GRM7: variants seen among roughly 807,000 people sequenced by gnomAD.
GRM7 encodes the protein metabotropic glutamate receptor 7.
Under a neutral mutation model 84.5 loss-of-function variants are expected in GRM7, and 35 were observed. That is an observed-to-expected ratio of 0.41 (90% confidence interval 0.32 to 0.55). GRM7 has a LOEUF of 0.55. Among genes scored for constraint, GRM7 ranks in the 20% least tolerant of loss-of-function variants. GRM7 has a pLI of 0.19. For missense variants in GRM7, 1,003 were observed against 1,194.6 expected, an observed-to-expected ratio of 0.84 and a Z score of 2.36; for synonymous variants, 487 against 455.1, an observed-to-expected ratio of 1.07 and a Z score of -0.89.
intron 8 of GRM7, among the ~76,000 whole-genome samples, chr3:7,666,999 T>C (rs1329543407): frequency 6.6e-6 from 1 of 151,966 alleles, no homozygotes; most frequent in Non-Finnish European, 1.5e-5. Context: ...TGTTTGATTG[T>C]CTCAGCAGAC....
chr3:7,570,200 C>G (rs1044599927), intron 7 of GRM7, among the ~76,000 whole-genome samples: 3 of 152,092 alleles, frequency 2.0e-5, no homozygotes, highest in Non-Finnish European at 2.9e-5. Context: ...CCACCCCTGG[C>G]CCCTCCCAAA....
rs186119348 is a variant in GRM7 at position 7,624,380 on chromosome 3, C to G, written c.2451+45023C>G. The stretch of plus-strand genomic sequence containing the variant: ...TCTACAGAGAAAACCATAATAGCAC[C>G]TCTAACATACTGAGAAACTCCAAAA... On this transcript the variant is annotated intron_variant, in intron 8 of 9. Coordinates refer to ENST00000357716, the MANE Select transcript of GRM7 (RefSeq NM_000844.4). Among the ~76,000 whole-genome samples the G allele has an allele frequency of 2.0e-3, 311 of 152,198 alleles. 1 individual carries two copies. Among genetic ancestry groups the G allele is most frequent in the Non-Finnish European group, 3.6e-3 (247 of 68,000 alleles).
At chr3:6,953,509 C>T (rs1692884711) in intron 1 of GRM7, among the ~76,000 whole-genome samples, 1 of 152,198 alleles carries the variant, frequency 6.6e-6, no homozygotes. Context: ...ATTTTTCCCC[C>T]CATGCCTCCA....
At chr3:7,118,530 T>C (rs148371114) in intron 1 of GRM7, among the ~76,000 whole-genome samples, 2,845 of 150,580 alleles carry the variant, frequency 0.019, 44 homozygotes, top group Non-Finnish European at 0.027. Flanking sequence ...CAGAAAACAA[T>C]AGTTTGCTGT....
intron 6 of GRM7, among the ~76,000 whole-genome samples, chr3:7,454,984 G>A (rs191094459): frequency 1.4e-4 from 22 of 152,146 alleles, no homozygotes; most frequent in Admixed American, 4.6e-4. Flanking sequence ...TTGGGACCAG[G>A]GCTAGGGCAG....
At chr3:7,537,737 C>T (rs1033940729) in intron 7 of GRM7, among the ~76,000 whole-genome samples, 1 of 152,142 alleles carries the variant, frequency 6.6e-6, no homozygotes, top group Non-Finnish European at 1.5e-5. Context: ...CTCAGGCTGG[C>T]AGGGAAGGTG....
At chr3:7,141,939 G>A (rs1338731445) in intron 1 of GRM7, among the ~76,000 whole-genome samples, 1 of 152,044 alleles carries the variant, frequency 6.6e-6, no homozygotes, top group Non-Finnish European at 1.5e-5. Context: ...TCCATGTAGG[G>A]AAAGATTTAA....
chr3:7,678,926 T>C (rs1049909053), intron 8 of GRM7, among the ~76,000 whole-genome samples: 1 of 138,034 alleles, frequency 7.2e-6, no homozygotes, highest in Non-Finnish European at 1.6e-5. Flanking sequence ...CTATCCATTG[T>C]ATGTTTATCA....
intron 2 of GRM7, among the ~76,000 whole-genome samples, chr3:7,257,982 G>A (rs1698270797): frequency 6.6e-6 from 1 of 152,012 alleles, no homozygotes; most frequent in Admixed American, 6.6e-5. Flanking sequence ...TCCATGCATG[G>A]GCCACAAGGC....
At chr3:7,235,025 A>T (rs190711616) in intron 2 of GRM7, among the ~76,000 whole-genome samples, 1 of 152,294 alleles carries the variant, frequency 6.6e-6, no homozygotes, top group Admixed American at 6.5e-5. Context: ...CCCTCTGTAG[A>T]TCCCTTTTGA....
intron 1 of GRM7, among the ~76,000 whole-genome samples, chr3:7,062,616 A>G (rs1271716411): frequency 6.6e-6 from 1 of 151,758 alleles, no homozygotes; most frequent in Non-Finnish European, 1.5e-5. Flanking sequence ...CCAAGGCATA[A>G]TTTCACAGTG....
At chr3:6,924,690 C>A (rs1370342196) in intron 1 of GRM7, among the ~76,000 whole-genome samples, 1 of 151,722 alleles carries the variant, frequency 6.6e-6, no homozygotes, top group African/African-American at 2.4e-5. Context: ...TACATAGAAG[C>A]CAGTTTTATA....
chr3:7,495,594 A>AG (rs1278809819), intron 7 of GRM7, among the ~76,000 whole-genome samples: 10 of 152,250 alleles, frequency 6.6e-5, no homozygotes, highest in African/African-American at 1.9e-4. Flanking sequence ...AGAGAAAAAA[A>AG]GAATCTCAGG....
At chr3:7,194,297 T>C (rs1306397242) in intron 2 of GRM7, among the ~76,000 whole-genome samples, 2 of 152,066 alleles carry the variant, frequency 1.3e-5, no homozygotes, top group African/African-American at 4.8e-5. Context: ...TTCTCCTCAT[T>C]GAAATAGAGA....
chr3:7,499,520 A>G (rs1699815479), intron 7 of GRM7, among the ~76,000 whole-genome samples: 1 of 152,146 alleles, frequency 6.6e-6, no homozygotes, highest in African/African-American at 2.4e-5. Flanking sequence ...TTACTTGGAG[A>G]TTACTTTCTG....
At chr3:7,220,541 G>A (rs937936360) in intron 2 of GRM7, among the ~76,000 whole-genome samples, 2 of 152,108 alleles carry the variant, frequency 1.3e-5, no homozygotes, top group African/African-American at 4.8e-5. Context: ...GGAGCCTAAG[G>A]AGACAAGATC....
rs1323124684 is a variant in GRM7 at position 7,741,268 on chromosome 3, C to G, written c.*862C>G. ...TGCAATAATTTTAATAATTATTAAG[C>G]TGTTTGAAGGAAAGAATATGGATTT... On this transcript the variant is annotated 3_prime_UTR_variant, in exon 10 of 10. Transcript: ENST00000357716. 6.6e-6 allele frequency: 1 copy of G among 152,358 alleles called. No homozygotes were observed. Among genetic ancestry groups the G allele is most frequent in the Non-Finnish European group, 1.5e-5 (1 of 67,984 alleles). The allele number at this position is 152,358 out of a possible 1,614,324, so 9.4% of individuals were successfully genotyped here.
intron 4 of GRM7, among the ~76,000 whole-genome samples, chr3:7,414,341 G>C (rs986901497): frequency 6.6e-6 from 1 of 152,140 alleles, no homozygotes; most frequent in African/African-American, 2.4e-5. Flanking sequence ...AAATCGTATA[G>C]GTTAAGTATG....
chr3:7,628,048 C>T (rs547463707), intron 8 of GRM7, among the ~76,000 whole-genome samples: 1 of 152,224 alleles, frequency 6.6e-6, no homozygotes, highest in Non-Finnish European at 1.5e-5. Context: ...AACTCATGCC[C>T]CTTTCCTCTT....
Sources: gnomAD v4.1 joint callset for allele counts (sites outside exome capture counted in the v4.1 genomes callset) on GRCh38, gnomAD v4.1.1 for gene constraint, MANE v1.5 for transcripts, NCBI Gene and HGNC (gene_info 2026-07-23, HGNC 2026-07-21) for gene names.